CAPS2: variants seen among roughly 807,000 people sequenced by gnomAD.
CAPS2 encodes the protein calcyphosin-2.
A neutral mutation model predicts 86.5 loss-of-function variants in CAPS2; 98 were observed. That is an observed-to-expected ratio of 1.13 (90% CI 0.96 to 1.34). The LOEUF (loss-of-function observed/expected upper bound fraction) is 1.34, where lower values mean the gene tolerates loss of function less well. CAPS2 is among the 40% of genes most tolerant of loss of function. The pLI is 0.00. For missense variants in CAPS2, 729 were observed against 686.8 expected (o/e 1.06, Z -0.69); for synonymous variants, 210 against 225.1 (o/e 0.93, Z 0.60).
chr12:75,302,233 C>T (rs2037907752), intron 8 of CAPS2, among the ~76,000 whole-genome samples: 1 of 152,144 alleles, frequency 6.6e-6, no homozygotes. Flanking sequence ...ATCGATACCC[C>T]CACAGGATTT....
exon 1 of CAPS2, chr12:75,390,851 T>G: frequency 1.5e-6 from 1 of 653,278 alleles, no homozygotes; most frequent in Non-Finnish European, 2.9e-6. Flanking sequence ...ACACAAGTCT[T>G]TCTTTAGTTT....
chr12:75,327,892 T>C (rs2040935473), upstream of CAPS2, among the ~76,000 whole-genome samples: 1 of 150,786 alleles, frequency 6.6e-6, no homozygotes, highest in Non-Finnish European at 1.5e-5. Flanking sequence ...AATATACTTT[T>C]ATTTCATGCC....
intron 7 of CAPS2, chr12:75,306,315 G>T: frequency 1.8e-6 from 1 of 567,806 alleles, no homozygotes. Context: ...TCTGCGGGAG[G>T]CTAATCCCAC....
intron 7 of CAPS2, chr12:75,306,340 G>T: frequency 2.0e-6 from 1 of 495,092 alleles, no homozygotes; most frequent in Non-Finnish European, 3.7e-6. Flanking sequence ...TACTGCTCCT[G>T]TAACAGTGTC....
chr12:75,343,697 G>T, intron 1 of CAPS2: 1 of 1,592,452 alleles, frequency 6.3e-7, no homozygotes, highest in South Asian at 1.1e-5. Context: ...TTTCAGATTT[G>T]GGATAAAGGT....
At chr12:75,337,312 G>T (rs986814045) in intron 1 of CAPS2, among the ~76,000 whole-genome samples, 1 of 151,480 alleles carries the variant, frequency 6.6e-6, no homozygotes, top group Non-Finnish European at 1.5e-5. Flanking sequence ...TCAAAAGTTG[G>T]TTTAAAACTA....
At position 75,298,727 on chromosome 12, in the gene CAPS2, C is replaced by G. The variant is rs373523519; in HGVS notation, c.1004G>C (p.Arg335Pro). ...AAGTCGGTATTGTTTTCCTTTTCTT[C>G]GTCCACACTGATGACTATAAATGCT... Residue 335 changes from arginine (R) to proline (P), a missense_variant, in exon 11 of 17, where the codon CGA (arginine) becomes CCA (proline). Coordinates refer to ENST00000393284, the Ensembl canonical transcript of CAPS2. 3 of 1,613,984 alleles carry G rather than the reference C, an allele frequency of 1.9e-6. No homozygotes were observed. The South Asian group carries it at 3.3e-5, about 18-fold the overall frequency.
At chr12:75,356,607 C>T (rs1397795259) in intron 1 of CAPS2, among the ~76,000 whole-genome samples, 1 of 151,528 alleles carries the variant, frequency 6.6e-6, no homozygotes, top group Non-Finnish European at 1.5e-5. Flanking sequence ...TTTAATTAAC[C>T]CAAAGAAAGG....
At chr12:75,334,348 AC>A, upstream of CAPS2, 3 of 346,220 alleles carry the variant, frequency 8.7e-6, no homozygotes, top group South Asian at 1.9e-4. Flanking sequence ...TTTGCACTCG[AC>A]TGGCCCATTG....
intron 1 of CAPS2, among the ~76,000 whole-genome samples, chr12:75,375,243 A>C (rs1403981503): frequency 1.3e-5 from 2 of 152,064 alleles, no homozygotes; most frequent in Admixed American, 6.6e-5. Context: ...TCATCCAGGG[A>C]CCCACTGGCC....
At chr12:75,286,800 AT>A (rs1203651656) in intron 14 of CAPS2, among the ~76,000 whole-genome samples, 2 of 151,706 alleles carry the variant, frequency 1.3e-5, no homozygotes, top group Non-Finnish European at 2.9e-5. Flanking sequence ...TTACAGTGAT[AT>A]TACAGAAAAA....
At chr12:75,329,802 G>C, upstream of CAPS2, 4 of 1,525,232 alleles carry the variant, frequency 2.6e-6, no homozygotes, top group Non-Finnish European at 3.5e-6. Context: ...CACTCCCCCT[G>C]CTCCCAAATT....
intron 1 of CAPS2, among the ~76,000 whole-genome samples, chr12:75,385,072 T>G (rs1006166537): frequency 3.9e-5 from 6 of 152,232 alleles, no homozygotes; most frequent in African/African-American, 1.4e-4. Flanking sequence ...AGAGCTAGCA[T>G]GCCCAACCTT....
rs770174615 is a variant in CAPS2 at position 75,347,649 on chromosome 12, G to A, written c.-394-24427C>T. The A allele has an allele frequency of 2.4e-5, 38 of 1,607,646 alleles. No homozygotes were observed. The East Asian group carries it at 2.7e-4, about 11-fold the overall frequency. ...AGTTTGGGCCAATTCATTTTATGTC[G>A]GTTGTGCAGTTGCAATGTGTCCTAA... is the stretch of plus-strand genomic sequence containing the variant. On this transcript the variant is annotated intron_variant, in intron 1 of 5. Coordinates refer to the CAPS2 transcript ENST00000551829.
chr12:75,384,203 A>C (rs926266486), intron 1 of CAPS2, among the ~76,000 whole-genome samples: 3 of 152,184 alleles, frequency 2.0e-5, no homozygotes, highest in African/African-American at 7.2e-5. Flanking sequence ...TTAATAGAGA[A>C]AATTAATAAA....
At chr12:75,291,581 A>ATATATAGCTTATTTTTAAAAG (rs2035935534) in intron 13 of CAPS2, among the ~76,000 whole-genome samples, 163 bp downstream of exon 13, 3 of 68,704 alleles carry the variant, frequency 4.4e-5, no homozygotes, top group African/African-American at 1.4e-4. Context: ...ATATATATAT[A>ATATATAGCTTATTTTTAAAAG]TATATATATA....
chr12:75,284,689 G>C (rs1387555966), intron 15 of CAPS2, among the ~76,000 whole-genome samples: 1 of 151,876 alleles, frequency 6.6e-6, no homozygotes, highest in African/African-American at 2.4e-5. Context: ...ATTTATGGAG[G>C]CAACAACTTA....
chr12:75,367,517 C>T (rs1355581019), intron 1 of CAPS2, among the ~76,000 whole-genome samples: 1 of 54,222 alleles, frequency 1.8e-5, no homozygotes, highest in East Asian at 7.9e-4. Context: ...ATCTCCACGT[C>T]GTGTACCACA....
upstream of CAPS2, chr12:75,329,779 C>A (rs1027005609): frequency 1.4e-6 from 2 of 1,461,622 alleles, no homozygotes; most frequent in African/African-American, 2.8e-5. Context: ...GGTAATATCT[C>A]CTTTCACCCC....
Sources: gnomAD v4.1 joint callset for allele counts (sites outside exome capture counted in the v4.1 genomes callset) on GRCh38, gnomAD v4.1.1 for gene constraint, MANE v1.5 for transcripts, NCBI Gene and HGNC (gene_info 2026-07-23, HGNC 2026-07-21) for gene names.